The following KCNQ1 variants were observed in gnomAD, a reference collection of about 807,000 sequenced individuals.
The protein encoded by KCNQ1 is potassium voltage-gated channel subfamily KQT member 1.
A neutral mutation model predicts 72.4 loss-of-function variants in KCNQ1; 49 were observed. That is an observed-to-expected ratio of 0.68 (90% confidence interval 0.54 to 0.86). KCNQ1 has a LOEUF of 0.86. Ranked by LOEUF, KCNQ1 falls within the 40% of genes least tolerant of loss-of-function variation. KCNQ1 has a pLI of 0.00. For missense variants in KCNQ1, 790 were observed against 945.1 expected (o/e 0.84, Z 2.15); for synonymous variants, 450 against 412.6 (o/e 1.09, Z -1.10).
Position 2,776,974 on chromosome 11 carries a change from CCTT to C in KCNQ1, c.1686-9_1686-7del, listed in dbSNP as rs1564889519. 15 of 1,614,004 alleles carry C rather than the reference CCTT, an allele frequency of 9.3e-6. No individual in the cohort carries two copies. Among genetic ancestry groups the C allele is most frequent in the Middle Eastern group, 1.6e-4 (1 of 6,062 alleles). Reference sequence around the variant, plus strand: ...GCCAGGTGTGAACTGGTGTCTGTGTCCTTCTCTCCAGGCTGGACCAGTCCATTG... The same window carrying C: ...GCCAGGTGTGAACTGGTGTCTGTGTCCTCTCCAGGCTGGACCAGTCCATTG... On this transcript the variant is annotated splice_polypyrimidine_tract_variant and intron_variant, in intron 13 of 15. Transcript: ENST00000155840.
At chr11:2,610,359 AATGAT>A (rs1262797739) in intron 10 of KCNQ1, 1 of 397,876 alleles carries the variant, frequency 2.5e-6, no homozygotes, top group African/African-American at 2.1e-5. Flanking sequence ...CATACTATAT[AATGAT>A]ATATCTTTAA....
chr11:2,461,411 G>A, intron 1 of KCNQ1: 4 of 1,274,646 alleles, frequency 3.1e-6, no homozygotes, highest in Non-Finnish European at 4.1e-6. Flanking sequence ...CTGACTGGGT[G>A]AGCCGGCCGG....
rs199678258 is a variant in KCNQ1, at chr11:2,813,903, G to A, written c.1795-33864G>A. Among the ~76,000 whole-genome samples the A allele has an allele frequency of 2.6e-5, 4 of 152,234 alleles. No homozygotes were observed. The East Asian group carries it at 7.7e-4, about 29-fold the overall frequency. ...GAAAGGGATGCGTGGAAGGATGGTT[G>A]ATGGATGGATGGTTAGATGGATGAA... On this transcript the variant is annotated intron_variant, in intron 15 of 15. Coordinates refer to ENST00000155840, the MANE Select transcript of KCNQ1 (RefSeq NM_000218.3). This position sits in a 1 kb window ranked among gnomAD's most constrained non-coding sequence, Gnocchi z 4.4.
chr11:2,526,009 C>T lies in KCNQ1; in HGVS notation c.387-1919C>T, dbSNP rs1231651546. Among the ~76,000 whole-genome samples the T allele has an allele frequency of 1.3e-5, 2 of 152,206 alleles. No homozygotes were observed. Among genetic ancestry groups the T allele is most frequent in the Non-Finnish European group, 2.9e-5 (2 of 68,032 alleles). ...GGGTGTTGTGGGGGCCAGGGTCAGA[C>T]ATCAGAGCTGGCCTCTGCCTATGAG... is the stretch of plus-strand genomic sequence containing the variant. On this transcript the variant is annotated intron_variant, in intron 1 of 15. Transcript: ENST00000155840. The surrounding 1 kb of genome is among the most constrained non-coding windows in gnomAD (Gnocchi z 6.1).
Position 2,663,579 on chromosome 11 carries a change from T to G in KCNQ1, c.1514+1498T>G. 2.5e-6 allele frequency: 1 copy of G among 398,678 alleles called. No individual in the cohort carries two copies. The highest frequency in any genetic ancestry group is 1.3e-4 in the South Asian group (1 of 7,832). 24.7% of individuals were successfully genotyped at this position (398,678 alleles called of 1,614,324 possible). A position where few individuals can be genotyped will look rare whatever the true frequency, so the allele number is the denominator to read the frequency against. ...CCTTCTGGCTGCTTGCTTCTCCTGTTGGAGCTCTCGCTCACCTTGGTTCTC... is the reference window on the plus strand; with the variant it reads ...CCTTCTGGCTGCTTGCTTCTCCTGTGGGAGCTCTCGCTCACCTTGGTTCTC... On this transcript the variant is annotated intron_variant, in intron 11 of 15. Coordinates refer to ENST00000155840, the MANE Select transcript of KCNQ1 (RefSeq NM_000218.3). The surrounding 1 kb of genome is among the most constrained non-coding windows in gnomAD (Gnocchi z 5.2).
chr11:2,543,028 G>A lies in KCNQ1; in HGVS notation c.477+15010G>A, dbSNP rs971876495. On this transcript the variant is annotated intron_variant, in intron 2 of 15. Transcript: ENST00000155840. The surrounding 1 kb of genome is among the most constrained non-coding windows in gnomAD (Gnocchi z 5.6). ...ATGTTAGCCAGTCTAAGAGGTGTGC[G>A]TGGCATCCTGCTGTGGTTTTAACTT... is the stretch of plus-strand genomic sequence containing the variant. 6.6e-6 allele frequency among the ~76,000 whole-genome samples: 1 copy of A among 152,190 alleles called. No homozygotes were observed. The highest frequency in any genetic ancestry group is 2.4e-5 in the African/African-American group (1 of 41,446).
chr11:2,669,732 TG>T lies in KCNQ1; in HGVS notation c.1514+7652del. 1 of 398,668 alleles carries T rather than the reference TG, an allele frequency of 2.5e-6. No individual in the cohort carries two copies. The highest frequency in any genetic ancestry group is 4.4e-5 in the Admixed American group (1 of 22,738). The allele number at this position is 398,668 out of a possible 1,614,324, so 24.7% of individuals were successfully genotyped here. ...CACATACCTGACTCGGGGAAATGCC[TG>T]AAAATATTAGCCAGCATAGAATGTC... is the stretch of plus-strand genomic sequence containing the variant. On this transcript the variant is annotated intron_variant, in intron 11 of 15. Transcript: ENST00000155840. This position sits in a 1 kb window ranked among gnomAD's most constrained non-coding sequence, Gnocchi z 5.6.
rs537252151 is a variant in KCNQ1 at position 2,690,559 on chromosome 11, T to C, written c.1514+28478T>C. On this transcript the variant is annotated intron_variant, in intron 11 of 15. Transcript: ENST00000155840. The surrounding 1 kb of genome is among the most constrained non-coding windows in gnomAD (Gnocchi z 5.1). ...GCCTAGGGAAGGACAAGAAGTAACATGTCAAAGATGGGACAGAACCCACCT... is the reference window on the plus strand; with the variant it reads ...GCCTAGGGAAGGACAAGAAGTAACACGTCAAAGATGGGACAGAACCCACCT... 2.5e-6 allele frequency: 1 copy of C among 398,628 alleles called. No homozygotes were observed. The highest frequency in any genetic ancestry group is 1.3e-4 in the South Asian group (1 of 7,852). 24.7% of individuals were successfully genotyped at this position (398,628 alleles called of 1,614,324 possible).
chr11:2,749,482 C>T (rs1025938070), intron 11 of KCNQ1, among the ~76,000 whole-genome samples: 8 of 152,084 alleles, frequency 5.3e-5, no homozygotes, highest in South Asian at 2.1e-4. Context: ...ATTCGTACAA[C>T]GGGAATGATC....
Position 2,624,755 on chromosome 11 carries a change from G to A in KCNQ1, c.1393+35901G>A, listed in dbSNP as rs542014022. The A allele has an allele frequency of 7.8e-5, 31 of 398,036 alleles. No individual in the cohort carries two copies. In the South Asian group the frequency reaches 1.2e-3, roughly 15 times the overall value. The allele number at this position is 398,036 out of a possible 1,614,324, so 24.7% of individuals were successfully genotyped here. A position where few individuals can be genotyped will look rare whatever the true frequency, so the allele number is the denominator to read the frequency against. On this transcript the variant is annotated intron_variant, in intron 10 of 15. Coordinates refer to ENST00000155840, the MANE Select transcript of KCNQ1 (RefSeq NM_000218.3). This position sits in a 1 kb window ranked among gnomAD's most constrained non-coding sequence, Gnocchi z 4.9. ...ATAATTCCCCAACCCCCCCACCACC[G>A]CCATCTCTTGGAAACCACCTTGTAC...
intron 11 of KCNQ1, chr11:2,675,372 GA>G: frequency 2.5e-6 from 1 of 398,440 alleles, no homozygotes; most frequent in Non-Finnish European, 4.4e-6. Flanking sequence ...GTGTGCATTA[GA>G]AAACATTTAA....
Position 2,673,962 on chromosome 11 carries a change from A to G in KCNQ1, c.1514+11881A>G, listed in dbSNP as rs1350817234. 5 of 112,330 alleles carry G rather than the reference A, an allele frequency of 4.5e-5. No homozygotes were observed. The highest frequency in any genetic ancestry group is 1.2e-4 in the Admixed American group (1 of 8,206). The allele number at this position is 112,330 out of a possible 1,614,324, so 7.0% of individuals were successfully genotyped here. Reference sequence around the variant, plus strand: ...TTCCCCATGAGTGACAGCAGCCACAAGGGGATGCCCAGCATTGGGGGTGGG... The same window carrying G: ...TTCCCCATGAGTGACAGCAGCCACAGGGGGATGCCCAGCATTGGGGGTGGG... On this transcript the variant is annotated intron_variant, in intron 11 of 15. Transcript: ENST00000155840. The surrounding 1 kb of genome is among the most constrained non-coding windows in gnomAD (Gnocchi z 4.5).
chr11:2,673,016 C>T lies in KCNQ1; in HGVS notation c.1514+10935C>T. ...GAGAAGCCAGTGAATCAATGTGTTA[C>T]TTGAACAAATATAGGGTCTAGGGCT... is the stretch of plus-strand genomic sequence containing the variant. On this transcript the variant is annotated intron_variant, in intron 11 of 15. Transcript: ENST00000155840. This position sits in a 1 kb window ranked among gnomAD's most constrained non-coding sequence, Gnocchi z 4.5. 2 of 398,716 alleles carry T rather than the reference C, an allele frequency of 5.0e-6. No homozygotes were observed. Among genetic ancestry groups the T allele is most frequent in the East Asian group, 7.1e-5 (2 of 28,084 alleles). The allele number at this position is 398,716 out of a possible 1,614,324, so 24.7% of individuals were successfully genotyped here. A position where few individuals can be genotyped will look rare whatever the true frequency, so the allele number is the denominator to read the frequency against.
chr11:2,540,020 G>C (rs1847797719), intron 2 of KCNQ1, among the ~76,000 whole-genome samples: 1 of 152,200 alleles, frequency 6.6e-6, no homozygotes, highest in African/African-American at 2.4e-5. Context: ...AGGCTTGGGG[G>C]AGCTGGCACT....
At chr11:2,777,928 G>A (rs780222655) in intron 14 of KCNQ1, 48 bp from the exon 15 acceptor site, 8 of 1,585,228 alleles carry the variant, frequency 5.0e-6, no homozygotes, top group South Asian at 2.2e-5. Context: ...TGGGGTCCCC[G>A]GCCCACCCCA....
rs191488654 is a variant in KCNQ1, at chr11:2,778,182, C to T, written c.1794+145C>T. On this transcript the variant is annotated intron_variant, in intron 15 of 15. Coordinates refer to ENST00000155840, the MANE Select transcript of KCNQ1 (RefSeq NM_000218.3). ...CCTACTGCAGCCTGCCCAGCAACTC[C>T]CAAGAGGGGCCCAGGCCCACTGCCC... The T allele has an allele frequency of 5.8e-5, 47 of 806,248 alleles. No individual in the cohort carries two copies. The African/African-American group carries it at 7.2e-4, about 12-fold the overall frequency. 49.9% of individuals were successfully genotyped at this position (806,248 alleles called of 1,614,324 possible).
In KCNQ1 at chr11:2,717,564, G is replaced by A. The variant is rs371380075; in HGVS notation, c.1515-51280G>A. On this transcript the variant is annotated intron_variant, in intron 11 of 15. Transcript: ENST00000155840. ...CCAGGGCCTGGCTTAGGATGGGTGA[G>A]GGAGAGGAGCTCCGGGAGGTCACGG... Among the ~76,000 whole-genome samples the A allele has an allele frequency of 6.6e-5, 10 of 152,300 alleles. No homozygotes were observed. In the East Asian group the frequency reaches 1.7e-3, roughly 26 times the overall value.
At chr11:2,584,420 AGTGT>A (rs760136626) in intron 7 of KCNQ1, among the ~76,000 whole-genome samples, 14 of 142,038 alleles carry the variant, frequency 9.9e-5, no homozygotes, top group African/African-American at 3.5e-4. Context: ...TTTCTGTGTT[AGTGT>A]GTGTGTTAGT....
chr11:2,565,238 C>G lies in KCNQ1; in HGVS notation c.478-5390C>G, dbSNP rs1273114887. 6.6e-6 allele frequency among the ~76,000 whole-genome samples: 1 copy of G among 152,192 alleles called. No homozygotes were observed. Among genetic ancestry groups the G allele is most frequent in the Non-Finnish European group, 1.5e-5 (1 of 68,032 alleles). Reference sequence around the variant, plus strand: ...AAAGGAGCTGTGGCATTCTACATCCCCCAGCAGCACACAAGGTCCCAACTT... The same window carrying G: ...AAAGGAGCTGTGGCATTCTACATCCGCCAGCAGCACACAAGGTCCCAACTT... On this transcript the variant is annotated intron_variant, in intron 2 of 15. Coordinates refer to ENST00000155840, the MANE Select transcript of KCNQ1 (RefSeq NM_000218.3). The surrounding 1 kb of genome is among the most constrained non-coding windows in gnomAD (Gnocchi z 5.6).
Sources: allele counts gnomAD v4.1 joint callset (sites outside exome capture counted in the v4.1 genomes callset), GRCh38; gene constraint gnomAD v4.1.1; non-coding constraint Gnocchi (gnomAD v3.1); transcripts MANE v1.5; gene names NCBI Gene and HGNC (gene_info 2026-07-23, HGNC 2026-07-21).